HAVCR1: variants seen among roughly 807,000 people sequenced by gnomAD.
The protein encoded by HAVCR1 is T cell immunoglobin domain and mucin domain protein 1.
In HAVCR1, 34 loss-of-function variants were observed where a neutral mutation model predicts 32.0. The observed-to-expected ratio is 1.06, with a 90% CI of 0.81 to 1.42. The LOEUF (loss-of-function observed/expected upper bound fraction) is 1.42, where lower values mean the gene tolerates loss of function less well. Among genes scored for constraint, HAVCR1 ranks in the 40% most tolerant of loss-of-function variants. The pLI, the probability that HAVCR1 is intolerant of heterozygous loss-of-function variation, is 0.00. For missense variants in HAVCR1, 420 were observed against 442.3 expected, an observed-to-expected ratio of 0.95 and a Z score of 0.45; for synonymous variants, 178 against 170.3, an observed-to-expected ratio of 1.05 and a Z score of -0.35.
chr5:157,044,615 G>GAAAAAAAGGAAGAAAA (rs760337335), intron 5 of HAVCR1, among the ~76,000 whole-genome samples: 2 of 52,658 alleles, frequency 3.8e-5, no homozygotes, highest in African/African-American at 1.3e-4. Context: ...AAGAAAGAAA[G>GAAAAAAAGGAAGAAAA]AGAAAGAAAG....
intron 2 of HAVCR1, 112 bp downstream of exon 2, chr5:157,057,786 G>T (rs1756303517): frequency 1.3e-6 from 1 of 788,668 alleles, no homozygotes; most frequent in African/African-American, 1.7e-5. Context: ...GGTACCCAAA[G>T]AACATCTACA....
chr5:157,065,627 G>A, the HAVCR1 span, among the ~76,000 whole-genome samples: 14 of 152,178 alleles, frequency 9.2e-5, no homozygotes, highest in African/African-American at 2.9e-4. Flanking sequence ...GACCAAGGCA[G>A]GCTGATCACT....
At chr5:157,035,494 T>G (rs1754471878) in intron 7 of HAVCR1, among the ~76,000 whole-genome samples, 1 of 151,832 alleles carries the variant, frequency 6.6e-6, no homozygotes, top group Admixed American at 6.6e-5. Flanking sequence ...AAGCCTGGGG[T>G]GGTTGCTTTT....
intron 4 of HAVCR1, among the ~76,000 whole-genome samples, chr5:157,051,554 TC>T (rs1190870074): frequency 6.6e-6 from 1 of 152,188 alleles, no homozygotes; most frequent in Non-Finnish European, 1.5e-5. Context: ...CTCTTTTCTT[TC>T]TTTTTCACTC....
At chr5:157,054,589 T>C (rs1756002591) in intron 3 of HAVCR1, among the ~76,000 whole-genome samples, 1 of 152,200 alleles carries the variant, frequency 6.6e-6, no homozygotes, top group African/African-American at 2.4e-5. Flanking sequence ...TATTTTACTA[T>C]GGAACAGTAA....
At chr5:157,042,431 G>A in intron 6 of HAVCR1, among the ~76,000 whole-genome samples, 196 bp downstream of exon 6, 1 of 100,156 alleles carries the variant, frequency 1.0e-5, no homozygotes. Flanking sequence ...AACAGAGCAA[G>A]ACTCCGTCTC....
At chr5:157,031,990 C>A (rs754684852) in intron 8 of HAVCR1, among the ~76,000 whole-genome samples, 65 of 152,260 alleles carry the variant, frequency 4.3e-4, no homozygotes, top group Admixed American at 7.2e-4. Context: ...GCACTCCCTG[C>A]CCCTGCAGCC....
intron 5 of HAVCR1, among the ~76,000 whole-genome samples, chr5:157,044,460 AAAGAAAGAAAGG>A (rs1378069976): frequency 8.1e-5 from 6 of 74,300 alleles, no homozygotes; most frequent in African/African-American, 3.6e-4. Context: ...AGAAAGAAAG[AAAGAAAGAAAGG>A]AAGGAAGGAA....
intron 5 of HAVCR1, among the ~76,000 whole-genome samples, chr5:157,045,149 G>A (rs1053902261): frequency 1.3e-5 from 2 of 151,992 alleles, no homozygotes; most frequent in African/African-American, 2.4e-5. Flanking sequence ...GATATTAACA[G>A]CAATAAATAA....
At chr5:157,038,681 T>C (rs923633361) in intron 6 of HAVCR1, among the ~76,000 whole-genome samples, 1 of 152,228 alleles carries the variant, frequency 6.6e-6, no homozygotes, top group Admixed American at 6.5e-5. Context: ...ATGTTGTTAT[T>C]ACTTTACCTA....
At chr5:157,050,299 C>A (rs931814441) in intron 4 of HAVCR1, among the ~76,000 whole-genome samples, 1 of 152,206 alleles carries the variant, frequency 6.6e-6, no homozygotes, top group African/African-American at 2.4e-5. Context: ...TGCAAAAGAT[C>A]TCTTGAGCTT....
rs753559437 is a variant in HAVCR1 at position 157,052,534 on chromosome 5, G to A, written c.500C>T (p.Pro167Leu). The change falls in exon 4 of 9, where the codon CCA becomes CTA. Residue 167 changes from proline to leucine, a missense_variant. By Grantham distance (98) the Pro-to-Leu change is moderately conservative. Transcript: ENST00000523175. ...TGTCGTTGGAATGCTCATTGTTGTT[G>A]GAACAGTTGTCGTTGGAACAGTCGT... ...PMTTVPTTTVPTTMSIPTTTT... is the reference protein window; with the variant it reads ...PMTTVPTTTVLTTMSIPTTTT... 1.5e-5 allele frequency: 23 copies of A among 1,584,186 alleles called. No individual in the cohort carries two copies. Among genetic ancestry groups the A allele is most frequent in the Non-Finnish European group, 1.9e-5 (22 of 1,167,568 alleles).
chr5:157,047,926 C>T (rs972001683), intron 5 of HAVCR1, among the ~76,000 whole-genome samples: 16 of 152,192 alleles, frequency 1.1e-4, no homozygotes, highest in Middle Eastern at 3.4e-3. Context: ...ACCCTCTCTC[C>T]GGGTAGACAG....
chr5:157,034,563 C>T (rs1754415099), intron 7 of HAVCR1, among the ~76,000 whole-genome samples: 1 of 151,304 alleles, frequency 6.6e-6, no homozygotes, highest in South Asian at 2.1e-4. Context: ...CAGCACAGAC[C>T]CTTTACGGGT....
rs375843628 is a variant in HAVCR1, at chr5:157,052,036, A to C, written c.673+325T>G. Among the ~76,000 whole-genome samples the C allele has an allele frequency of 5.4e-4, 83 of 152,362 alleles. No homozygotes were observed. In the South Asian group the frequency reaches 5.6e-3, roughly 10 times the overall value. On this transcript the variant is annotated intron_variant, in intron 4 of 8. Coordinates refer to ENST00000523175, the MANE Select transcript of HAVCR1 (RefSeq NM_001173393.3). Reference sequence around the variant, plus strand: ...GTTCTCTGGCATTCCCTGTGTTTTCATCATAAAGCCATACCTAGCTGAGTC... The same window carrying C: ...GTTCTCTGGCATTCCCTGTGTTTTCCTCATAAAGCCATACCTAGCTGAGTC...
chr5:157,057,294 C>T (rs770433177), intron 2 of HAVCR1, among the ~76,000 whole-genome samples: 6 of 148,368 alleles, frequency 4.0e-5, no homozygotes, highest in Admixed American at 6.7e-5. Flanking sequence ...CTAGCCTGGG[C>T]GACAGAGTGA....
At chr5:157,052,729 T>C (rs1455058097) in intron 3 of HAVCR1, 75 bp from the exon 4 acceptor site, 18 of 1,224,636 alleles carry the variant, frequency 1.5e-5, no homozygotes, top group Non-Finnish European at 2.1e-5. Context: ...AACTGTACCC[T>C]AGCACACCAA....
chr5:157,056,944 G>A (rs1756190355), intron 2 of HAVCR1, among the ~76,000 whole-genome samples: 1 of 152,060 alleles, frequency 6.6e-6, no homozygotes, highest in East Asian at 1.9e-4. Context: ...GGTGGCTAAC[G>A]CCTATAATCC....
chr5:157,050,621 T>A (rs953568), intron 4 of HAVCR1, among the ~76,000 whole-genome samples: 80,570 of 151,928 alleles, frequency 0.53, 21,798 homozygotes, highest in Middle Eastern at 0.71. Flanking sequence ...CTTTCTCCCA[T>A]ATCTCGGCTT....
Sources: gnomAD v4.1 joint callset for allele counts (sites outside exome capture counted in the v4.1 genomes callset) on GRCh38, gnomAD v4.1.1 for gene constraint, MANE v1.5 for transcripts, NCBI Gene and HGNC (gene_info 2026-07-23, HGNC 2026-07-21) for gene names.